The following SLC36A2 variants were observed in gnomAD, a reference collection of about 807,000 sequenced individuals.
The protein encoded by SLC36A2 is solute carrier family 36 member 2.
In SLC36A2, 39 loss-of-function variants were observed where a neutral mutation model predicts 42.7. The observed-to-expected ratio is 0.91, with a 90% CI of 0.71 to 1.19. The LOEUF (loss-of-function observed/expected upper bound fraction) is 1.19. Ranked by LOEUF, SLC36A2 falls within the 50% of genes most tolerant of loss-of-function variation. SLC36A2 has a pLI of 0.00. For synonymous variants in SLC36A2, 237 were observed against 240.8 expected (o/e 0.98, Z 0.15); for missense variants, 590 against 613.7 (o/e 0.96, Z 0.41).
intron 7 of SLC36A2, 150 bp from the exon 8 acceptor site, chr5:151,325,602 A>G (rs1755832062): frequency 1.0e-5 from 9 of 889,804 alleles, no homozygotes. Context: ...TGCTATTCAC[A>G]TAGCCAAAAG....
intron 4 of SLC36A2, among the ~76,000 whole-genome samples, chr5:151,340,563 C>G (rs1339418567): frequency 6.6e-6 from 1 of 151,962 alleles, no homozygotes; most frequent in African/African-American, 2.4e-5. Context: ...AAAAAGCTTA[C>G]AACAAATGCA....
intron 9 of SLC36A2, among the ~76,000 whole-genome samples, chr5:151,318,485 A>AAT: frequency 7.0e-6 from 1 of 143,194 alleles, no homozygotes; most frequent in East Asian, 2.0e-4. Context: ...TATATTTTAT[A>AAT]TATTTTATCT....
intron 7 of SLC36A2, among the ~76,000 whole-genome samples, chr5:151,327,876 A>G (rs1265810438): frequency 1.3e-5 from 2 of 152,148 alleles, no homozygotes; most frequent in African/African-American, 4.8e-5. Flanking sequence ...CACAGTTCCT[A>G]GCTGGTGATC....
chr5:151,335,156 A>G (rs1756114988), intron 6 of SLC36A2, among the ~76,000 whole-genome samples, 173 bp downstream of exon 6: 1 of 152,216 alleles, frequency 6.6e-6, no homozygotes, highest in South Asian at 2.1e-4. Context: ...AGACAATCAG[A>G]AGAATGGGAC....
chr5:151,344,405 C>T (rs760271524), intron 1 of SLC36A2, 138 bp from the exon 2 acceptor site: 2 of 758,874 alleles, frequency 2.6e-6, no homozygotes, highest in Non-Finnish European at 4.7e-6. Context: ...CCTGGCACAT[C>T]TGGGTCTCCT....
chr5:151,335,442 A>G lies in SLC36A2; in HGVS notation c.631T>C (p.Phe211Leu). 6.2e-7 allele frequency: 1 copy of G among 1,614,176 alleles called. No individual in the cohort carries two copies. Among genetic ancestry groups the G allele is most frequent in the Non-Finnish European group, 8.5e-7 (1 of 1,180,000 alleles). Residue 211 changes from phenylalanine to leucine, a missense_variant, in exon 6 of 10, where the codon TTC (phenylalanine) becomes CTC (leucine). By Grantham distance (22) the Phe-to-Leu change is conservative. Transcript: ENST00000335244. ...CGGATGAGGACCAGCAGCACCAGGA[A>G]GGGCAGGAAGGAGAGCATGTAGAGT... ...SRLYMLSFLP[F>L]LVLLVLIRNL...
intron 7 of SLC36A2, among the ~76,000 whole-genome samples, chr5:151,328,633 C>T (rs577008668): frequency 6.6e-6 from 1 of 152,232 alleles, no homozygotes; most frequent in East Asian, 1.9e-4. Flanking sequence ...CACACAGGCA[C>T]CTAAAAATCT....
chr5:151,336,744 G>A (rs1367509259), intron 5 of SLC36A2, among the ~76,000 whole-genome samples: 2 of 147,396 alleles, frequency 1.4e-5, no homozygotes, highest in East Asian at 2.0e-4. Flanking sequence ...GTAGGTGGAT[G>A]CTACCACCCT....
chr5:151,320,779 A>G (rs1755663966), intron 9 of SLC36A2, among the ~76,000 whole-genome samples: 1 of 152,208 alleles, frequency 6.6e-6, no homozygotes, highest in Non-Finnish European at 1.5e-5. Context: ...AAAAAATTTT[A>G]AAAATCTGCA....
Position 151,347,554 on chromosome 5 carries a change from C to A in SLC36A2, c.-94G>T. 1 of 1,488,666 alleles carries A rather than the reference C, an allele frequency of 6.7e-7. No individual in the cohort carries two copies. Among genetic ancestry groups the A allele is most frequent in the Non-Finnish European group, 9.3e-7 (1 of 1,076,876 alleles). The allele number at this position is 1,488,666 out of a possible 1,614,324, so 92.2% of individuals were successfully genotyped here. A position where few individuals can be genotyped will look rare whatever the true frequency, so the allele number is the denominator to read the frequency against. On this transcript the variant is annotated 5_prime_UTR_variant, in exon 1 of 10. Transcript: ENST00000335244. ...TGTCTAGTGTAGATGTACACCCCAG[C>A]ACAGTGGTGTGTGCCCGGGCTGGCT...
At chr5:151,334,550 G>A (rs1412986899) in intron 6 of SLC36A2, among the ~76,000 whole-genome samples, 3 of 152,094 alleles carry the variant, frequency 2.0e-5, no homozygotes, top group Non-Finnish European at 4.4e-5. Context: ...AATTAGCCGG[G>A]TGTGGTGGCT....
chr5:151,317,063 G>A lies in SLC36A2; in HGVS notation c.1206C>T (p.Arg402=). 6.2e-7 allele frequency: 1 copy of A among 1,614,108 alleles called. No homozygotes were observed. The highest frequency in any genetic ancestry group is 8.5e-7 in the Non-Finnish European group (1 of 1,180,028). ...CCACCAGGGAGATGACCAGGTCCAG[G>A]CGGGGGATGAGGATGGCCAGGAGGC... ...LTCLLAILIP[R]LDLVISLVGS... The change falls in exon 10 of 10, where the codon CGC becomes CGT. Residue 402 remains arginine, a synonymous_variant. Coordinates refer to ENST00000335244, the MANE Select transcript of SLC36A2 (RefSeq NM_181776.3).
At chr5:151,328,664 T>G (rs1023124073) in intron 7 of SLC36A2, among the ~76,000 whole-genome samples, 1 of 152,192 alleles carries the variant, frequency 6.6e-6, no homozygotes, top group Non-Finnish European at 1.5e-5. Flanking sequence ...TCCTTATCTC[T>G]ACACAGAAGT....
In SLC36A2 at chr5:151,339,143, G is replaced by A; in HGVS notation, c.442C>T (p.His148Tyr). 2 of 1,604,710 alleles carry A rather than the reference G, an allele frequency of 1.2e-6. No homozygotes were observed. Among genetic ancestry groups the A allele is most frequent in the Non-Finnish European group, 1.7e-6 (2 of 1,173,212 alleles). ...WLQNHAHWGR[H>Y]IVSFFLIITQ... ...ATAATAAGGAAGAAGCTCACGATAT[G>A]CCTAGAAGGGAGAAGAGAGGGAAAA... Residue 148 changes from histidine (H) to tyrosine (Y), a missense_variant and splice_region_variant, in exon 5 of 10, where the codon CAT (histidine) becomes TAT (tyrosine). His to Tyr is a moderately conservative substitution (Grantham distance 83). Coordinates refer to ENST00000335244, the MANE Select transcript of SLC36A2 (RefSeq NM_181776.3).
intron 7 of SLC36A2, among the ~76,000 whole-genome samples, chr5:151,331,955 T>C (rs1477041398): frequency 6.6e-6 from 1 of 152,022 alleles, no homozygotes; most frequent in Non-Finnish European, 1.5e-5. Flanking sequence ...CAACTTCCGC[T>C]TCCTGGGTTC....
chr5:151,317,791 T>C (rs1029099407), intron 9 of SLC36A2, among the ~76,000 whole-genome samples: 1 of 152,198 alleles, frequency 6.6e-6, no homozygotes, highest in African/African-American at 2.4e-5. Context: ...TTCAAAAACT[T>C]TTCCCCTACC....
chr5:151,344,937 G>A (rs564934086), intron 1 of SLC36A2, among the ~76,000 whole-genome samples: 1 of 152,246 alleles, frequency 6.6e-6, no homozygotes, highest in East Asian at 1.9e-4. Context: ...GTCTGGCGGG[G>A]CATAACCATT....
intron 4 of SLC36A2, among the ~76,000 whole-genome samples, chr5:151,339,467 C>T (rs1000412268): frequency 4.6e-5 from 7 of 152,226 alleles, no homozygotes; most frequent in African/African-American, 1.2e-4. Context: ...TGTGCCACCA[C>T]GCCTGGCTAA....
intron 4 of SLC36A2, among the ~76,000 whole-genome samples, chr5:151,339,896 G>T (rs1384845720): frequency 6.6e-6 from 1 of 152,112 alleles, no homozygotes; most frequent in African/African-American, 2.4e-5. Flanking sequence ...TGGGTTAGGT[G>T]GACAAAAATT....
Sources: allele counts gnomAD v4.1 joint callset (sites outside exome capture counted in the v4.1 genomes callset), GRCh38; gene constraint gnomAD v4.1.1; transcripts MANE v1.5; gene names NCBI Gene and HGNC (gene_info 2026-07-23, HGNC 2026-07-21).